PCDH11X: variants seen among roughly 807,000 people sequenced by gnomAD.
PCDH11X encodes protocadherin-11 X-linked.
PCDH11X carries 18 observed loss-of-function variants against 53.3 expected under a neutral mutation model. The ratio of observed to expected loss-of-function variants is 0.34; its 90% CI spans 0.23 to 0.50. The LOEUF (loss-of-function observed/expected upper bound fraction) is 0.50, where lower values mean the gene tolerates loss of function less well. PCDH11X is among the 20% of genes least tolerant of loss of function. The pLI is 0.98. For synonymous variants in PCDH11X, 279 were observed against 393.3 expected, an observed-to-expected ratio of 0.71 and a Z score of 3.44; for missense variants, 570 against 1,032.4, an observed-to-expected ratio of 0.55 and a Z score of 6.14.
chrX:92,218,032 T>A (rs926463383), intron 7 of PCDH11X, among the ~76,000 whole-genome samples: 1 of 109,432 alleles, frequency 9.1e-6, no homozygotes, highest in Non-Finnish European at 1.9e-5. Context: ...CATACCAGAA[T>A]CTCTGGGACA....
intron 10 of PCDH11X, among the ~76,000 whole-genome samples, chrX:92,595,044 T>C (rs2031514880): frequency 9.0e-6 from 1 of 111,065 alleles, no homozygotes; most frequent in African/African-American, 3.3e-5. Flanking sequence ...ATAAGTTCGA[T>C]AAGAATCTTT....
intron 10 of PCDH11X, among the ~76,000 whole-genome samples, chrX:92,592,919 A>G (rs1464991938): frequency 1.8e-5 from 2 of 111,470 alleles, no homozygotes; most frequent in South Asian, 3.8e-4. Context: ...CTCTGTCTTG[A>G]TTCTCTGTTT....
At chrX:92,249,081 T>A (rs2148395354) in intron 7 of PCDH11X, among the ~76,000 whole-genome samples, 1 of 110,313 alleles carries the variant, frequency 9.1e-6, no homozygotes, top group East Asian at 2.9e-4. Flanking sequence ...TTTTTTCTTA[T>A]CACATATATA....
intron 6 of PCDH11X, among the ~76,000 whole-genome samples, chrX:91,960,061 C>T: frequency 2.3e-5 from 2 of 85,179 alleles, no homozygotes; most frequent in African/African-American, 8.7e-5. Context: ...TGCTGAGCAC[C>T]TTTCCTTGGC....
chrX:92,458,142 A>G (rs1481369376), intron 9 of PCDH11X, among the ~76,000 whole-genome samples: 2 of 99,721 alleles, frequency 2.0e-5, no homozygotes, highest in Non-Finnish European at 4.1e-5. Context: ...ATACGAACAT[A>G]CAGAAAGAGA....
intron 5 of PCDH11X, among the ~76,000 whole-genome samples, chrX:91,860,467 C>G (rs1166612762): frequency 9.1e-6 from 1 of 109,459 alleles, no homozygotes; most frequent in African/African-American, 3.3e-5. Context: ...TTTCTCTTGC[C>G]TGATTGTCCT....
chrX:92,141,828 C>G (rs1232906098), intron 6 of PCDH11X, among the ~76,000 whole-genome samples: 3 of 111,419 alleles, frequency 2.7e-5, no homozygotes, highest in African/African-American at 6.5e-5. Flanking sequence ...AACAATAACT[C>G]TATACTTAAG....
At chrX:92,544,983 C>T (rs185400101) in intron 10 of PCDH11X, among the ~76,000 whole-genome samples, 1 of 111,604 alleles carries the variant, frequency 9.0e-6, no homozygotes, top group Non-Finnish European at 1.9e-5. Flanking sequence ...ATACTGCCTT[C>T]ACCCAGATTC....
At chrX:91,833,607 A>G (rs1937190571) in intron 4 of PCDH11X, among the ~76,000 whole-genome samples, 1 of 111,893 alleles carries the variant, frequency 8.9e-6, no homozygotes, top group African/African-American at 3.2e-5. Flanking sequence ...TTCATAGTAT[A>G]TATTTTTAAA....
intron 8 of PCDH11X, among the ~76,000 whole-genome samples, chrX:92,277,251 G>T (rs12014259): frequency 0.032 from 3,580 of 110,678 alleles, 116 homozygotes; most frequent in East Asian, 0.26. Flanking sequence ...ATGTGTAAAA[G>T]AATGCCTGGA....
At chrX:92,206,493 A>C (rs756774355) in intron 7 of PCDH11X, among the ~76,000 whole-genome samples, 1 of 111,283 alleles carries the variant, frequency 9.0e-6, no homozygotes, top group East Asian at 2.8e-4. Context: ...AACATTCATG[A>C]TACAGATAGT....
intron 7 of PCDH11X, among the ~76,000 whole-genome samples, chrX:92,229,490 TGA>T (rs2067029749): frequency 9.0e-6 from 1 of 110,717 alleles, no homozygotes; most frequent in Admixed American, 9.7e-5. Context: ...CCTAGAGAGT[TGA>T]GTTTTCAACT....
chrX:92,389,371 C>T lies in PCDH11X; in HGVS notation c.3343+1438C>T, dbSNP rs190538102. Reference sequence around the variant, plus strand: ...ACAAATACACATTAAGCAAGGGTGCCACTGATCTTCTTTACTCCATAAATC... The same window carrying T: ...ACAAATACACATTAAGCAAGGGTGCTACTGATCTTCTTTACTCCATAAATC... On this transcript the variant is annotated intron_variant, in intron 9 of 10. Coordinates refer to ENST00000682573, the MANE Select transcript of PCDH11X (RefSeq NM_032968.5). 8.8e-3 allele frequency among the ~76,000 whole-genome samples: 979 copies of T among 111,559 alleles called. 17 individuals carry two copies. The highest frequency in any genetic ancestry group is 0.031 in the African/African-American group (944 of 30,824).
intron 6 of PCDH11X, among the ~76,000 whole-genome samples, chrX:91,904,555 A>T (rs1275735291): frequency 9.0e-6 from 1 of 111,455 alleles, no homozygotes; most frequent in Non-Finnish European, 1.9e-5. Flanking sequence ...AAAAATACAG[A>T]TGAATAAAGA....
chrX:92,523,320 T>G (rs865973059), intron 10 of PCDH11X, among the ~76,000 whole-genome samples: 19 of 111,797 alleles, frequency 1.7e-4, no homozygotes, highest in Non-Finnish European at 2.4e-4. Flanking sequence ...TTACTATTAG[T>G]CTAGCTCTAA....
intron 10 of PCDH11X, among the ~76,000 whole-genome samples, chrX:92,615,697 G>A (rs1485464026): frequency 9.0e-6 from 1 of 110,839 alleles, no homozygotes; most frequent in Non-Finnish European, 1.9e-5. Context: ...ATTAAAAATG[G>A]CATCCTGCTG....
chrX:92,343,721 T>C (rs1384798186), intron 8 of PCDH11X, among the ~76,000 whole-genome samples: 2 of 111,703 alleles, frequency 1.8e-5, no homozygotes, highest in Non-Finnish European at 3.8e-5. Context: ...TAAAAATTAT[T>C]TCTAATCAAG....
At chrX:92,257,403 A>AC (rs2067616810) in intron 7 of PCDH11X, among the ~76,000 whole-genome samples, 1 of 111,229 alleles carries the variant, frequency 9.0e-6, no homozygotes, top group Non-Finnish European at 1.9e-5. Context: ...CTCACATTTC[A>AC]AAATAAAATC....
intron 10 of PCDH11X, among the ~76,000 whole-genome samples, chrX:92,535,136 C>T (rs1280383008): frequency 8.9e-6 from 1 of 112,098 alleles, no homozygotes; most frequent in African/African-American, 3.2e-5. Flanking sequence ...GAGCTAAAAG[C>T]AGAACTATCA....
Sources: gnomAD v4.1 joint callset for allele counts (sites outside exome capture counted in the v4.1 genomes callset) on GRCh38, gnomAD v4.1.1 for gene constraint, MANE v1.5 for transcripts, NCBI Gene and HGNC (gene_info 2026-07-23, HGNC 2026-07-21) for gene names.